The following LRP1B variants were observed in gnomAD, a reference collection of about 807,000 sequenced individuals.
The protein encoded by LRP1B is LDL receptor related protein 1B.
A neutral mutation model predicts 556.6 loss-of-function variants in LRP1B; 217 were observed. The observed-to-expected ratio is 0.39, with a 90% CI of 0.35 to 0.44. The LOEUF (loss-of-function observed/expected upper bound fraction) is 0.44, where lower values mean the gene tolerates loss of function less well. LRP1B is among the 20% of genes least tolerant of loss of function. The pLI is 1.00. For synonymous variants in LRP1B, 2,047 were observed against 1,865.8 expected, an observed-to-expected ratio of 1.10 and a Z score of -2.50; for missense variants, 5,053 against 5,620.8, an observed-to-expected ratio of 0.90 and a Z score of 3.23.
rs114577103 is a variant in LRP1B, at chr2:141,504,155, T to A, written c.206-23622A>T. 6.6e-3 allele frequency among the ~76,000 whole-genome samples: 1,006 copies of A among 152,252 alleles called. 8 individuals carry two copies. The highest frequency in any genetic ancestry group is 0.023 in the African/African-American group (971 of 41,568). ...ACACTCGTATTTTTTGTAGATGAAT[T>A]CTCCAGAGGTTTCATATTAATTAAG... On this transcript the variant is annotated intron_variant, in intron 2 of 90. Transcript: ENST00000389484.
intron 3 of LRP1B, among the ~76,000 whole-genome samples, chr2:141,463,010 A>C (rs932118015): frequency 6.6e-6 from 1 of 152,190 alleles, no homozygotes; most frequent in Non-Finnish European, 1.5e-5. Context: ...ATTGAGCTAT[A>C]TTGGGTCAGT....
At chr2:141,853,449 A>G (rs532929438) in intron 1 of LRP1B, among the ~76,000 whole-genome samples, 2 of 151,594 alleles carry the variant, frequency 1.3e-5, no homozygotes, top group East Asian at 3.9e-4. Flanking sequence ...TGTTTTGTAT[A>G]TTTTCAAGTA....
chr2:140,286,899 C>T (rs978796595), intron 84 of LRP1B, among the ~76,000 whole-genome samples: 3 of 151,610 alleles, frequency 2.0e-5, no homozygotes, highest in South Asian at 2.1e-4. Flanking sequence ...TATAGATTAT[C>T]GCACTTTAAA....
intron 7 of LRP1B, among the ~76,000 whole-genome samples, chr2:141,109,162 C>G (rs1454406019): frequency 6.6e-6 from 1 of 152,156 alleles, no homozygotes; most frequent in Non-Finnish European, 1.5e-5. Context: ...CCATTTTCCA[C>G]ACTTCTGTGA....
At chr2:141,003,118 A>T (rs1374410921) in intron 15 of LRP1B, among the ~76,000 whole-genome samples, 2 of 152,166 alleles carry the variant, frequency 1.3e-5, no homozygotes, top group African/African-American at 4.8e-5. Context: ...ATGGTAAAAC[A>T]CATAAAAGGT....
chr2:141,497,740 T>C (rs1683560750), intron 2 of LRP1B, among the ~76,000 whole-genome samples: 1 of 151,910 alleles, frequency 6.6e-6, no homozygotes, highest in Non-Finnish European at 1.5e-5. Context: ...GAACAAACTA[T>C]GATGATAAAT....
chr2:141,188,696 A>AT, intron 6 of LRP1B, 113 bp from the exon 7 acceptor site: 3 of 865,882 alleles, frequency 3.5e-6, no homozygotes, highest in Non-Finnish European at 3.5e-6. Flanking sequence ...AAGTATAGAC[A>AT]TTTTTATGAA....
chr2:141,770,370 A>T (rs1455429216), intron 2 of LRP1B, among the ~76,000 whole-genome samples: 2 of 152,168 alleles, frequency 1.3e-5, no homozygotes, highest in African/African-American at 2.4e-5. Context: ...ATTATATCAC[A>T]TCAAAGCTGA....
rs576790132 is a variant in LRP1B, at chr2:142,129,687, T to A, written c.82+961A>T. 4.6e-5 allele frequency among the ~76,000 whole-genome samples: 7 copies of A among 151,752 alleles called. No homozygotes were observed. The East Asian group carries it at 1.2e-3, about 25-fold the overall frequency. The stretch of plus-strand genomic sequence containing the variant: ...TCAATATAAGCTCATTTTCTGATTT[T>A]AAAAAAATCTATGATACTTCTGATT... On this transcript the variant is annotated intron_variant, in intron 1 of 90. Transcript: ENST00000389484.
At chr2:141,728,659 A>G (rs1394274451) in intron 2 of LRP1B, among the ~76,000 whole-genome samples, 1 of 152,106 alleles carries the variant, frequency 6.6e-6, no homozygotes. Flanking sequence ...GACTGTAGCA[A>G]TGTAATACTT....
At chr2:141,491,516 G>A (rs1683334649) in intron 2 of LRP1B, among the ~76,000 whole-genome samples, 1 of 152,100 alleles carries the variant, frequency 6.6e-6, no homozygotes, top group African/African-American at 2.4e-5. Flanking sequence ...GCTCCTAACT[G>A]CAATTTTGAA....
chr2:140,772,823 G>GAGGCT (rs761627608), intron 33 of LRP1B, among the ~76,000 whole-genome samples: 3 of 151,978 alleles, frequency 2.0e-5, no homozygotes, highest in Non-Finnish European at 2.9e-5. Context: ...GGGAATTGAA[G>GAGGCT]AGGCTAGGCA....
At chr2:141,944,770 G>A (rs1335623562) in intron 1 of LRP1B, among the ~76,000 whole-genome samples, 10 of 152,076 alleles carry the variant, frequency 6.6e-5, no homozygotes, top group Non-Finnish European at 1.3e-4. Context: ...AATAAGTCAC[G>A]AATACAGGTA....
At chr2:141,021,507 CTT>C (rs1312433794) in intron 11 of LRP1B, among the ~76,000 whole-genome samples, 3 of 151,982 alleles carry the variant, frequency 2.0e-5, no homozygotes, top group Non-Finnish European at 4.4e-5. Flanking sequence ...CTTATTGACA[CTT>C]AATTTTCCTG....
chr2:141,829,017 T>C (rs1427271684), intron 1 of LRP1B, among the ~76,000 whole-genome samples: 2 of 152,086 alleles, frequency 1.3e-5, no homozygotes, highest in Non-Finnish European at 2.9e-5. Context: ...CTAGCACATA[T>C]AATTTTTGCA....
chr2:140,806,918 T>C (rs1486124), intron 32 of LRP1B, among the ~76,000 whole-genome samples: 33,300 of 152,222 alleles, frequency 0.22, 3,846 homozygotes, highest in South Asian at 0.29. Context: ...CATGAATTGA[T>C]TTGTTCAACT....
intron 48 of LRP1B, 38 bp downstream of exon 48, chr2:140,526,199 C>T (rs1202839300): frequency 1.3e-6 from 2 of 1,582,280 alleles, no homozygotes; most frequent in African/African-American, 1.3e-5. Flanking sequence ...CCAAAAGTGC[C>T]CAAGCATAAA....
At chr2:141,400,140 C>A (rs1690397189) in intron 3 of LRP1B, among the ~76,000 whole-genome samples, 2 of 152,012 alleles carry the variant, frequency 1.3e-5, no homozygotes, top group South Asian at 4.1e-4. Flanking sequence ...GCCACCACAA[C>A]TGGCTAGTTA....
rs574725536 is a variant in LRP1B, at chr2:142,041,549, A to G, written c.82+89099T>C. On this transcript the variant is annotated intron_variant, in intron 1 of 90. Coordinates refer to ENST00000389484, the MANE Select transcript of LRP1B (RefSeq NM_018557.3). ...ATGCAGAGAAAAACAACAACAAAAA[A>G]GCCTTTTTTGCTTGTTTTATGTTTT... Among the ~76,000 whole-genome samples, 11 of 151,598 alleles carry G rather than the reference A, an allele frequency of 7.3e-5. 1 individual carries two copies. In the South Asian group the frequency reaches 2.3e-3, roughly 31 times the overall value.
Sources: gnomAD v4.1 joint callset for allele counts (sites outside exome capture counted in the v4.1 genomes callset) on GRCh38, gnomAD v4.1.1 for gene constraint, MANE v1.5 for transcripts, NCBI Gene and HGNC (gene_info 2026-07-23, HGNC 2026-07-21) for gene names.